SLC2A13: variants seen among roughly 807,000 people sequenced by gnomAD.
The protein encoded by SLC2A13 is proton myo-inositol cotransporter.
Under a neutral mutation model 64.4 loss-of-function variants are expected in SLC2A13, and 32 were observed. That is an observed-to-expected ratio of 0.50 (90% CI 0.37 to 0.67). The LOEUF is 0.67. Among genes scored for constraint, SLC2A13 ranks in the 30% least tolerant of loss-of-function variants. The pLI is 0.00. For missense variants in SLC2A13, 743 were observed against 829.2 expected (o/e 0.90, Z 1.28); for synonymous variants, 338 against 327.1 (o/e 1.03, Z -0.36).
intron 4 of SLC2A13, among the ~76,000 whole-genome samples, chr12:39,922,663 G>GT (rs1565543533): frequency 6.6e-6 from 1 of 152,146 alleles, no homozygotes; most frequent in East Asian, 1.9e-4. Flanking sequence ...GTGTATGGGG[G>GT]TTTTTCCTTA....
chr12:39,942,440 A>G (rs1203260116), intron 4 of SLC2A13, among the ~76,000 whole-genome samples: 1 of 152,060 alleles, frequency 6.6e-6, no homozygotes. Context: ...TTTGTTAGGT[A>G]TATTTCTAAG....
At position 39,829,147 on chromosome 12, in the gene SLC2A13, C is replaced by T. The variant is rs1009425238; in HGVS notation, c.1445+956G>A. Among the ~76,000 whole-genome samples, 5 of 151,902 alleles carry T rather than the reference C, an allele frequency of 3.3e-5. No homozygotes were observed. The East Asian group carries it at 5.8e-4, about 18-fold the overall frequency. On this transcript the variant is annotated intron_variant, in intron 7 of 9. Coordinates refer to ENST00000280871, the MANE Select transcript of SLC2A13 (RefSeq NM_052885.4). ...TTAAAGCCATATCAGATAACATTTA[C>T]ACATTTTATATGTCTGGATATAAAT...
intron 7 of SLC2A13, among the ~76,000 whole-genome samples, chr12:39,820,996 C>T (rs1014938249): frequency 5.3e-5 from 8 of 152,034 alleles, no homozygotes; most frequent in Non-Finnish European, 1.2e-4. Context: ...CCCCAAACTT[C>T]TACTTCCTAC....
rs1352654535 is a variant in SLC2A13 at position 39,844,807 on chromosome 12, T to C, written c.1320-14579A>G. Among the ~76,000 whole-genome samples the C allele has an allele frequency of 2.6e-5, 4 of 152,128 alleles. No homozygotes were observed. In the East Asian group the frequency reaches 7.7e-4, roughly 29 times the overall value. Reference sequence around the variant, plus strand: ...ACAAATTAAAATAAAGATAAAGAAATACCTAAAGAAAGAAAAATTTACTTA... The same window carrying C: ...ACAAATTAAAATAAAGATAAAGAAACACCTAAAGAAAGAAAAATTTACTTA... On this transcript the variant is annotated intron_variant, in intron 6 of 9. Coordinates refer to ENST00000280871, the MANE Select transcript of SLC2A13 (RefSeq NM_052885.4).
At chr12:39,839,061 T>C (rs144263340) in intron 6 of SLC2A13, among the ~76,000 whole-genome samples, 29 of 152,188 alleles carry the variant, frequency 1.9e-4, no homozygotes, top group African/African-American at 6.5e-4. Context: ...TGACACCTAT[T>C]TTGTGCAATA....
intron 1 of SLC2A13, among the ~76,000 whole-genome samples, chr12:40,076,125 A>G (rs1165791465): frequency 6.6e-6 from 1 of 152,156 alleles, no homozygotes; most frequent in African/African-American, 2.4e-5. Context: ...GTGCCTTTGC[A>G]TTATATTCTG....
At chr12:40,033,096 A>G (rs1392210341) in intron 2 of SLC2A13, among the ~76,000 whole-genome samples, 3 of 152,222 alleles carry the variant, frequency 2.0e-5, no homozygotes, top group East Asian at 3.8e-4. Flanking sequence ...CAACCCTATG[A>G]GGCGAGTGCC....
At chr12:39,987,926 G>C (rs1947058046) in intron 3 of SLC2A13, among the ~76,000 whole-genome samples, 2 of 151,838 alleles carry the variant, frequency 1.3e-5, no homozygotes, top group Admixed American at 1.3e-4. Context: ...TAAAATAAAG[G>C]CACACAAGAA....
At chr12:40,084,161 C>A (rs1290645493) in intron 1 of SLC2A13, among the ~76,000 whole-genome samples, 1 of 152,142 alleles carries the variant, frequency 6.6e-6, no homozygotes, top group Non-Finnish European at 1.5e-5. Flanking sequence ...AGGGTAACTG[C>A]AAATCTATAC....
chr12:39,929,424 A>G (rs1304622427), intron 4 of SLC2A13, among the ~76,000 whole-genome samples: 1 of 151,522 alleles, frequency 6.6e-6, no homozygotes, highest in Non-Finnish European at 1.5e-5. Context: ...GGTGGTGGGA[A>G]CCTGTAATCC....
At chr12:39,992,413 G>A (rs1211626499) in intron 3 of SLC2A13, among the ~76,000 whole-genome samples, 1 of 152,126 alleles carries the variant, frequency 6.6e-6, no homozygotes, top group East Asian at 1.9e-4. Flanking sequence ...CACAGAGGTG[G>A]CAGGGAGAAA....
At chr12:39,888,783 A>G (rs778624843) in intron 4 of SLC2A13, among the ~76,000 whole-genome samples, 36 of 152,184 alleles carry the variant, frequency 2.4e-4, no homozygotes, top group Non-Finnish European at 2.8e-4. Flanking sequence ...CTCACAAGTA[A>G]CCAAAATTTT....
chr12:39,959,502 T>C (rs1237529837), intron 3 of SLC2A13, among the ~76,000 whole-genome samples: 3 of 152,250 alleles, frequency 2.0e-5, no homozygotes, highest in South Asian at 2.1e-4. Context: ...TAAAGGTTTT[T>C]ATCAACTTAG....
chr12:40,016,847 A>T (rs1346593328), intron 3 of SLC2A13, among the ~76,000 whole-genome samples: 1 of 152,196 alleles, frequency 6.6e-6, no homozygotes, highest in South Asian at 2.1e-4. Context: ...TCAAAAAATA[A>T]GTTTTTTCGA....
At chr12:40,025,890 G>C (rs1233198222) in intron 3 of SLC2A13, among the ~76,000 whole-genome samples, 2 of 152,192 alleles carry the variant, frequency 1.3e-5, no homozygotes, top group Non-Finnish European at 2.9e-5. Context: ...TATCGTTCTT[G>C]AATGAAGCAT....
chr12:39,959,223 T>C (rs1359104291), intron 3 of SLC2A13, among the ~76,000 whole-genome samples: 1 of 152,176 alleles, frequency 6.6e-6, no homozygotes, highest in Non-Finnish European at 1.5e-5. Flanking sequence ...AGATGATGTT[T>C]GTGATTACAA....
chr12:39,768,061 C>T (rs1281950004), intron 7 of SLC2A13, among the ~76,000 whole-genome samples: 1 of 152,080 alleles, frequency 6.6e-6, no homozygotes, highest in African/African-American at 2.4e-5. Context: ...TTCTGGATAA[C>T]TTGACGCAGC....
rs192755113 is a variant in SLC2A13, at chr12:39,783,692, C to G, written c.1446-18834G>C. The stretch of plus-strand genomic sequence containing the variant: ...TCTTTTGAGAAGTGTCTGTTCATAT[C>G]CTTTGCCCACTTTTTGGGGGTTGTT... On this transcript the variant is annotated intron_variant, in intron 7 of 9. Transcript: ENST00000280871. Among the ~76,000 whole-genome samples the G allele has an allele frequency of 1.7e-3, 261 of 152,174 alleles. 2 individuals carry two copies. Among genetic ancestry groups the G allele is most frequent in the Middle Eastern group, 6.8e-3 (2 of 294 alleles).
chr12:40,014,334 TC>T (rs1460020850), intron 3 of SLC2A13, among the ~76,000 whole-genome samples: 1 of 152,188 alleles, frequency 6.6e-6, no homozygotes, highest in Non-Finnish European at 1.5e-5. Context: ...AAGGAAACTA[TC>T]CCTTTTGTAA....
Sources: allele counts gnomAD v4.1 joint callset (sites outside exome capture counted in the v4.1 genomes callset), GRCh38; gene constraint gnomAD v4.1.1; transcripts MANE v1.5; gene names NCBI Gene and HGNC (gene_info 2026-07-23, HGNC 2026-07-21).